Variants in MAF observed in about 807,000 individuals in gnomAD.
MAF encodes MAF bZIP transcription factor.
MAF carries 10 observed loss-of-function variants against 22.0 expected under a neutral mutation model. The observed-to-expected ratio is 0.45, with a 90% CI of 0.28 to 0.77. The LOEUF is 0.77. Among genes scored for constraint, MAF ranks in the 30% least tolerant of loss-of-function variants. The probability of loss-of-function intolerance (pLI) is 0.12; values close to 1 mark genes in which losing one functional copy is unlikely to be tolerated. For synonymous variants in MAF, 337 were observed against 255.8 expected (o/e 1.32, Z -3.03); for missense variants, 544 against 548.4 (o/e 0.99, Z 0.08).
At chr16:79,408,570 T>C in the MAF span, among the ~76,000 whole-genome samples, 3 of 151,076 alleles carry the variant, frequency 2.0e-5, no homozygotes, top group Non-Finnish European at 4.4e-5. Flanking sequence ...CTGGAACTAA[T>C]AATCTGTCAT....
chr16:79,527,310 C>A, the MAF span, among the ~76,000 whole-genome samples: 1 of 152,208 alleles, frequency 6.6e-6, no homozygotes, highest in Admixed American at 6.5e-5. Flanking sequence ...AGCTTGCCTT[C>A]TTACCTTGCT....
the MAF span, among the ~76,000 whole-genome samples, chr16:79,566,412 C>T: frequency 1.6e-4 from 25 of 152,210 alleles, no homozygotes; most frequent in Non-Finnish European, 4.4e-5. Context: ...ACCCCCAGTC[C>T]TCCCTGTTGA....
chr16:79,515,343 G>T, the MAF span, among the ~76,000 whole-genome samples: 3 of 152,110 alleles, frequency 2.0e-5, no homozygotes, highest in Non-Finnish European at 4.4e-5. Flanking sequence ...ACTTTACTAC[G>T]GTGTGAAAGT....
chr16:79,365,240 T>A, the MAF span, among the ~76,000 whole-genome samples: 2 of 152,210 alleles, frequency 1.3e-5, no homozygotes, highest in African/African-American at 4.8e-5. Context: ...TTGCTCTATG[T>A]TTTTCCCCAC....
At chr16:79,512,940 G>C in the MAF span, among the ~76,000 whole-genome samples, 3 of 152,226 alleles carry the variant, frequency 2.0e-5, no homozygotes, top group Admixed American at 1.3e-4. Context: ...ATGTCAAGCA[G>C]CGCGAGAGAG....
the MAF span, among the ~76,000 whole-genome samples, chr16:79,390,294 T>A: frequency 8.3e-4 from 126 of 152,184 alleles, 1 homozygote; most frequent in African/African-American, 1.2e-3. Context: ...TATTATTATT[T>A]TTTTCACCGA....
At chr16:79,454,243 C>T in the MAF span, among the ~76,000 whole-genome samples, 1 of 152,140 alleles carries the variant, frequency 6.6e-6, no homozygotes, top group Non-Finnish European at 1.5e-5. Context: ...AGAGCCCAAG[C>T]CCATAAGCCC....
At chr16:79,532,692 G>C in the MAF span, among the ~76,000 whole-genome samples, 1 of 152,208 alleles carries the variant, frequency 6.6e-6, no homozygotes, top group Non-Finnish European at 1.5e-5. Context: ...TAAAGCATTC[G>C]TGTGTGAGTG....
chr16:79,289,318 G>C, the MAF span, among the ~76,000 whole-genome samples: 2 of 152,128 alleles, frequency 1.3e-5, no homozygotes, highest in African/African-American at 4.8e-5. Flanking sequence ...GGGAGGTAGA[G>C]AGGAGATGGG....
At chr16:79,343,271 A>C in the MAF span, among the ~76,000 whole-genome samples, 4 of 151,034 alleles carry the variant, frequency 2.6e-5, no homozygotes, top group South Asian at 2.1e-4. Flanking sequence ...TGTGTGCTCC[A>C]GTTCTTCTCT....
the MAF span, among the ~76,000 whole-genome samples, chr16:79,239,778 G>A: frequency 6.6e-6 from 1 of 152,142 alleles, no homozygotes; most frequent in Non-Finnish European, 1.5e-5. Context: ...GCACATTGTA[G>A]CTGCTCTCAA....
chr16:79,358,533 T>C, the MAF span, among the ~76,000 whole-genome samples: 1 of 152,118 alleles, frequency 6.6e-6, no homozygotes, highest in Non-Finnish European at 1.5e-5. Context: ...GCAGGGTAGA[T>C]AGAGGAGCGT....
chr16:79,416,335 C>A, the MAF span, among the ~76,000 whole-genome samples: 114 of 152,254 alleles, frequency 7.5e-4, no homozygotes, highest in African/African-American at 2.6e-3. Context: ...GTCTCTGTGA[C>A]AAGCTCCATG....
the MAF span, among the ~76,000 whole-genome samples, chr16:79,419,971 G>A: frequency 1.3e-5 from 2 of 151,052 alleles, no homozygotes; most frequent in African/African-American, 4.9e-5. Flanking sequence ...TATAACCAGT[G>A]AATTCAGACA....
intron 1 of MAF, chr16:79,598,249 C>T (rs958402206): frequency 1.4e-5 from 15 of 1,060,260 alleles, no homozygotes; most frequent in African/African-American, 1.7e-5. Context: ...ACACAGCAAG[C>T]TCTAAAAGTA....
At chr16:79,474,865 G>A in the MAF span, among the ~76,000 whole-genome samples, 2 of 152,232 alleles carry the variant, frequency 1.3e-5, no homozygotes, top group South Asian at 4.2e-4. Flanking sequence ...ACTGTATCAG[G>A]AGAGATCTAA....
chr16:79,452,175 C>A, the MAF span, among the ~76,000 whole-genome samples: 1 of 152,108 alleles, frequency 6.6e-6, no homozygotes, highest in African/African-American at 2.4e-5. Flanking sequence ...CTCTTTTGTC[C>A]TTTACAGAAA....
chr16:79,231,980 C>T, the MAF span, among the ~76,000 whole-genome samples: 3 of 152,026 alleles, frequency 2.0e-5, no homozygotes, highest in Non-Finnish European at 4.4e-5. Context: ...CAACCTAGAT[C>T]CCTTGCATGC....
At chr16:79,258,296 C>T in the MAF span, among the ~76,000 whole-genome samples, 13 of 152,254 alleles carry the variant, frequency 8.5e-5, no homozygotes, top group South Asian at 1.7e-3. Flanking sequence ...ATGCAGGGTC[C>T]GGGAGCCAGC....
Sources: gnomAD v4.1 joint callset for allele counts (sites outside exome capture counted in the v4.1 genomes callset) on GRCh38, gnomAD v4.1.1 for gene constraint, MANE v1.5 for transcripts, NCBI Gene and HGNC (gene_info 2026-07-23, HGNC 2026-07-21) for gene names.